TENM1: variants seen among roughly 807,000 people sequenced by gnomAD.
TENM1 encodes teneurin transmembrane protein 1, also known as teneurin-1.
TENM1 carries 35 observed loss-of-function variants against 174.8 expected under a neutral mutation model. The ratio of observed to expected loss-of-function variants is 0.20; its 90% CI spans 0.15 to 0.27. The LOEUF (loss-of-function observed/expected upper bound fraction) is 0.27. Ranked by LOEUF, TENM1 falls within the 10% of genes least tolerant of loss-of-function variation. The pLI is 1.00. For missense variants in TENM1, 1,633 were observed against 2,130.1 expected (o/e 0.77, Z 4.59); for synonymous variants, 781 against 798.7 (o/e 0.98, Z 0.37).
the TENM1 span, among the ~76,000 whole-genome samples, chrX:124,975,110 ATCCATC>A: frequency 9.3e-6 from 1 of 107,868 alleles, no homozygotes; most frequent in Non-Finnish European, 1.9e-5. Flanking sequence ...TTGCAGTAAT[ATCCATC>A]TCCATCACAC....
the TENM1 span, among the ~76,000 whole-genome samples, chrX:125,195,589 A>G: frequency 8.9e-6 from 1 of 111,885 alleles, no homozygotes; most frequent in Non-Finnish European, 1.9e-5. Flanking sequence ...CACTTCATGA[A>G]TTCTAAACCA....
chrX:125,175,983 A>G, the TENM1 span, among the ~76,000 whole-genome samples: 2 of 111,863 alleles, frequency 1.8e-5, no homozygotes, highest in African/African-American at 6.5e-5. Flanking sequence ...AGACATTCAC[A>G]TATTTGAAAG....
the TENM1 span, among the ~76,000 whole-genome samples, chrX:125,039,354 C>T: frequency 9.0e-6 from 1 of 110,887 alleles, no homozygotes; most frequent in South Asian, 3.8e-4. Flanking sequence ...CACCAGTGCA[C>T]GACAAAGGAG....
the TENM1 span, among the ~76,000 whole-genome samples, chrX:125,022,021 A>G: frequency 8.9e-6 from 1 of 112,552 alleles, no homozygotes; most frequent in Admixed American, 9.4e-5. Context: ...AAGTTTTAGA[A>G]GAATTTATGA....
chrX:124,581,117 T>A (rs1396085447), intron 11 of TENM1, among the ~76,000 whole-genome samples: 3 of 95,568 alleles, frequency 3.1e-5, no homozygotes, highest in Non-Finnish European at 4.1e-5. Context: ...CAGGCTGGAG[T>A]GCAGTGGCAC....
At chrX:124,383,945 G>T (rs1420326810) in exon 30 of TENM1, 1 of 1,207,695 alleles carries the variant, frequency 8.3e-7, no homozygotes, top group Non-Finnish European at 1.1e-6. Context: ...AGCTAGTGGG[G>T]TACCTGTATT....
chrX:124,640,126 T>C lies in TENM1; in HGVS notation c.2077+1665A>G, dbSNP rs891624559. On this transcript the variant is annotated intron_variant, in intron 11 of 31. Transcript: ENST00000422452. ...CTCTATATGTATATAGAGATATACA[T>C]ATCTATATCCTATACCTAAGGATAT... 2.7e-5 allele frequency among the ~76,000 whole-genome samples: 3 copies of C among 111,036 alleles called. No homozygotes were observed. In the East Asian group the frequency reaches 8.4e-4, roughly 31 times the overall value.
At chrX:124,409,747 C>T (rs201993140) in intron 25 of TENM1, among the ~76,000 whole-genome samples, 1 of 90,007 alleles carries the variant, frequency 1.1e-5, no homozygotes. Context: ...AGAGCCAAAT[C>T]ATGAGTGAAC....
At chrX:125,004,315 G>A in the TENM1 span, among the ~76,000 whole-genome samples, 6 of 111,751 alleles carry the variant, frequency 5.4e-5, no homozygotes, top group East Asian at 2.8e-4. Flanking sequence ...CACAGAACAC[G>A]CTTTGGGAAT....
intron 3 of TENM1, among the ~76,000 whole-genome samples, chrX:124,746,098 T>C (rs776789627): frequency 9.8e-5 from 11 of 112,385 alleles, no homozygotes; most frequent in Non-Finnish European, 2.1e-4. Context: ...ATACAACCCA[T>C]AATTTTATTC....
the TENM1 span, among the ~76,000 whole-genome samples, chrX:125,197,468 T>G: frequency 8.9e-6 from 1 of 111,823 alleles, no homozygotes; most frequent in African/African-American, 3.2e-5. Flanking sequence ...AATGAATGAC[T>G]TTTTCCATTG....
chrX:124,406,465 G>T lies in TENM1; in HGVS notation c.5007C>A (p.Thr1669=), dbSNP rs960869. The T allele has an allele frequency of 0.41, 498,549 of 1,202,258 alleles. 70,861 individuals are homozygous for T. Among genetic ancestry groups the T allele is most frequent in the Admixed American group, 0.44 (20,001 of 45,027 alleles). The stretch of plus-strand genomic sequence containing the variant: ...CCTCTCCAGTGGGAAACGTTGCATT[G>T]GTCAGGTGTCCCTCGGGGTCATACC... Residue 1669 remains threonine (T), a synonymous_variant, in exon 26 of 32, where the codon ACC becomes ACA. Coordinates refer to ENST00000422452, the Ensembl canonical transcript of TENM1.
intron 3 of TENM1, among the ~76,000 whole-genome samples, chrX:124,852,771 G>T (rs772305861): frequency 1.8e-5 from 2 of 111,617 alleles, no homozygotes; most frequent in African/African-American, 6.5e-5. Context: ...GAAAAGGTCC[G>T]AGGACAGATA....
intron 3 of TENM1, among the ~76,000 whole-genome samples, chrX:124,818,639 A>C (rs190050132): frequency 1.7e-3 from 192 of 111,606 alleles, no homozygotes; most frequent in African/African-American, 5.9e-3. Context: ...AAGCACCTGA[A>C]AGGATACCTG....
At chrX:125,152,247 ATT>A in the TENM1 span, among the ~76,000 whole-genome samples, 1 of 102,085 alleles carries the variant, frequency 9.8e-6, no homozygotes. Flanking sequence ...AAGACTTTGT[ATT>A]TTTAAAAAAA....
the TENM1 span, among the ~76,000 whole-genome samples, chrX:125,070,191 T>TAAC: frequency 3.4e-5 from 3 of 88,807 alleles, no homozygotes; most frequent in Non-Finnish European, 6.0e-5. Context: ...CGTGTCCAAG[T>TAAC]AATAATAATA....
rs758808196 is a variant in TENM1, at chrX:124,405,063, C to G, written c.5359G>C (p.Gly1787Arg). Residue 1787 changes from glycine to arginine, a missense_variant, in exon 27 of 32, where the codon GGC (glycine) becomes CGC (arginine). Coordinates refer to ENST00000422452, the Ensembl canonical transcript of TENM1. Reference sequence around the variant, plus strand: ...CTCCTTTCAAAAGCCGAAACATTGCCTTTGTTTTGCTCCTTCCTCTGCCGC... The same window carrying G: ...CTCCTTTCAAAAGCCGAAACATTGCGTTTGTTTTGCTCCTTCCTCTGCCGC... 2.6e-5 allele frequency: 31 copies of G among 1,209,502 alleles called. No individual in the cohort carries two copies. The Admixed American group carries it at 6.8e-4, about 26-fold the overall frequency.
At chrX:124,427,419 T>C (rs995676819) in intron 23 of TENM1, among the ~76,000 whole-genome samples, 3 of 112,476 alleles carry the variant, frequency 2.7e-5, no homozygotes, top group Non-Finnish European at 5.6e-5. Flanking sequence ...ATTTTGTCTG[T>C]TTGTTTTCTT....
intron 1 of TENM1, among the ~76,000 whole-genome samples, chrX:124,900,953 A>G (rs2057652723): frequency 9.1e-6 from 1 of 109,493 alleles, no homozygotes; most frequent in African/African-American, 3.3e-5. Context: ...CACCATGCCC[A>G]GCTAATTTTT....
Sources: gnomAD v4.1 joint callset for allele counts (sites outside exome capture counted in the v4.1 genomes callset) on GRCh38, gnomAD v4.1.1 for gene constraint, MANE v1.5 for transcripts, NCBI Gene and HGNC (gene_info 2026-07-23, HGNC 2026-07-21) for gene names.